The following NEGR1 variants were observed in gnomAD, a reference collection of about 807,000 sequenced individuals.
The protein encoded by NEGR1 is neuronal growth regulator 1, also known as IgLON family member 4.
In NEGR1, 10 loss-of-function variants were observed where a neutral mutation model predicts 40.9. The ratio of observed to expected loss-of-function variants is 0.24; its 90% CI spans 0.15 to 0.42. The LOEUF is 0.42. Among genes scored for constraint, NEGR1 ranks in the 10% least tolerant of loss-of-function variants. The pLI is 1.00. For synonymous variants in NEGR1, 185 were observed against 166.8 expected, an observed-to-expected ratio of 1.11 and a Z score of -0.84; for missense variants, 352 against 438.9, an observed-to-expected ratio of 0.80 and a Z score of 1.77.
intron 1 of NEGR1, among the ~76,000 whole-genome samples, chr1:72,047,993 T>C: frequency 6.6e-6 from 1 of 151,622 alleles, no homozygotes; most frequent in East Asian, 1.9e-4. Context: ...TAGCTTTATG[T>C]AAAACAGGAG....
intron 2 of NEGR1, among the ~76,000 whole-genome samples, chr1:71,795,247 G>C (rs1437068531): frequency 2.0e-5 from 3 of 151,920 alleles, no homozygotes; most frequent in Non-Finnish European, 4.4e-5. Flanking sequence ...AAATTGTAGA[G>C]ATTTGAAAGT....
chr1:71,585,521 G>T (rs1477298794), intron 6 of NEGR1, among the ~76,000 whole-genome samples: 1 of 151,964 alleles, frequency 6.6e-6, no homozygotes, highest in African/African-American at 2.4e-5. Flanking sequence ...GCTGATCAAT[G>T]ACAACACCAA....
intron 1 of NEGR1, among the ~76,000 whole-genome samples, chr1:72,253,786 A>T (rs1655178635): frequency 6.6e-6 from 1 of 152,200 alleles, no homozygotes; most frequent in African/African-American, 2.4e-5. Flanking sequence ...ATTAGAAGAG[A>T]TTAGCAATAG....
At chr1:71,423,887 A>T in intron 6 of NEGR1, among the ~76,000 whole-genome samples, 1 of 150,198 alleles carries the variant, frequency 6.7e-6, no homozygotes. Flanking sequence ...AAGAATTAAG[A>T]CCTTCAACAA....
intron 2 of NEGR1, among the ~76,000 whole-genome samples, chr1:71,829,621 C>A (rs1162165510): frequency 6.6e-6 from 1 of 151,756 alleles, no homozygotes; most frequent in Non-Finnish European, 1.5e-5. Flanking sequence ...TCTCTTTAGT[C>A]AGCTAGGAAA....
intron 6 of NEGR1, among the ~76,000 whole-genome samples, chr1:71,418,474 C>T (rs751236140): frequency 2.6e-5 from 4 of 151,806 alleles, no homozygotes; most frequent in Non-Finnish European, 5.9e-5. Context: ...CCACCACGGC[C>T]GTCTAATTTT....
At chr1:71,924,713 A>G (rs1407914195) in intron 2 of NEGR1, among the ~76,000 whole-genome samples, 1 of 152,214 alleles carries the variant, frequency 6.6e-6, no homozygotes, top group Non-Finnish European at 1.5e-5. Flanking sequence ...TTTCCTCAAA[A>G]TAACATTGCT....
intron 6 of NEGR1, among the ~76,000 whole-genome samples, chr1:71,582,312 T>C (rs1649167238): frequency 6.6e-6 from 1 of 152,170 alleles, no homozygotes; most frequent in Non-Finnish European, 1.5e-5. Flanking sequence ...TCTTGTAATG[T>C]TTCTTCATGC....
At chr1:71,695,033 T>C (rs1315086655) in intron 4 of NEGR1, among the ~76,000 whole-genome samples, 2 of 151,940 alleles carry the variant, frequency 1.3e-5, no homozygotes, top group Admixed American at 6.6e-5. Context: ...CTTTGTTCAG[T>C]AGGCTTTGGC....
chr1:71,745,022 A>G (rs923044705), intron 3 of NEGR1, among the ~76,000 whole-genome samples: 2 of 152,214 alleles, frequency 1.3e-5, no homozygotes, highest in African/African-American at 4.8e-5. Flanking sequence ...TTTTTCCATT[A>G]TATGACTGTG....
intron 6 of NEGR1, among the ~76,000 whole-genome samples, chr1:71,484,572 C>A (rs1279178029): frequency 6.6e-6 from 1 of 151,658 alleles, no homozygotes; most frequent in Non-Finnish European, 1.5e-5. Flanking sequence ...TTACAAATAG[C>A]CTTTAATTTA....
intron 6 of NEGR1, 28 bp from the exon 7 acceptor site, chr1:71,407,598 A>C (rs367806873): frequency 1.2e-6 from 2 of 1,608,412 alleles, no homozygotes; most frequent in African/African-American, 2.7e-5. Context: ...AGATTAAATC[A>C]AAATCTAATT....
chr1:71,619,940 G>T (rs1273228011), intron 4 of NEGR1, among the ~76,000 whole-genome samples: 1 of 152,026 alleles, frequency 6.6e-6, no homozygotes, highest in Admixed American at 6.6e-5. Flanking sequence ...TTTCTCTCAT[G>T]CCATCCTCAA....
intron 1 of NEGR1, among the ~76,000 whole-genome samples, chr1:72,120,944 G>A (rs1649779233): frequency 2.6e-5 from 4 of 151,934 alleles, no homozygotes; most frequent in African/African-American, 9.7e-5. Context: ...AGTAATGAAG[G>A]TGCCAACACT....
intron 6 of NEGR1, among the ~76,000 whole-genome samples, chr1:71,556,041 G>A (rs1648242036): frequency 6.6e-6 from 1 of 151,158 alleles, no homozygotes; most frequent in African/African-American, 2.4e-5. Flanking sequence ...ATAAAGGATG[G>A]TATGAACTTC....
rs1646302200 is a variant in NEGR1, at chr1:71,976,188, T to C, written c.177-40877A>G. The stretch of plus-strand genomic sequence containing the variant: ...TAATCTAAAACTCCCAAAAGGCAAG[T>C]TTACATTTTTTGTTTCTTTCCTTTT... On this transcript the variant is annotated intron_variant, in intron 1 of 6. Coordinates refer to ENST00000357731, the MANE Select transcript of NEGR1 (RefSeq NM_173808.3). Among the ~76,000 whole-genome samples, 3 of 152,200 alleles carry C rather than the reference T, an allele frequency of 2.0e-5. No homozygotes were observed. The South Asian group carries it at 6.2e-4, about 31-fold the overall frequency.
At chr1:71,748,864 A>G (rs1008547304) in intron 3 of NEGR1, among the ~76,000 whole-genome samples, 2 of 152,158 alleles carry the variant, frequency 1.3e-5, no homozygotes, top group East Asian at 3.8e-4. Context: ...CTTATGATTC[A>G]CACAGGAGGA....
At chr1:72,169,395 T>A (rs1310089428) in intron 1 of NEGR1, among the ~76,000 whole-genome samples, 1 of 152,194 alleles carries the variant, frequency 6.6e-6, no homozygotes, top group African/African-American at 2.4e-5. Context: ...TTTATTACAC[T>A]ATATATTAAT....
chr1:71,534,759 T>C (rs1647461597), intron 6 of NEGR1, among the ~76,000 whole-genome samples: 1 of 151,672 alleles, frequency 6.6e-6, no homozygotes, highest in Non-Finnish European at 1.5e-5. Flanking sequence ...AGCAATATTC[T>C]AGGAGCTGAA....
Sources: allele counts gnomAD v4.1 joint callset (sites outside exome capture counted in the v4.1 genomes callset), GRCh38; gene constraint gnomAD v4.1.1; transcripts MANE v1.5; gene names NCBI Gene and HGNC (gene_info 2026-07-23, HGNC 2026-07-21).